The following NECAB2 variants were observed in gnomAD, a reference collection of about 807,000 sequenced individuals.
The protein encoded by NECAB2 is N-terminal EF-hand calcium-binding protein 2.
NECAB2 carries 68 observed loss-of-function variants against 51.9 expected under a neutral mutation model. The observed-to-expected ratio is 1.31, with a 90% CI of 1.08 to 1.60. The LOEUF (loss-of-function observed/expected upper bound fraction) is 1.60. Ranked by LOEUF, NECAB2 falls within the 40% of genes most tolerant of loss-of-function variation. The pLI, the probability that NECAB2 is intolerant of heterozygous loss-of-function variation, is 0.00. For synonymous variants in NECAB2, 329 were observed against 203.5 expected (o/e 1.62, Z -5.25); for missense variants, 854 against 490.3 (o/e 1.74, Z -7.00).
chr16:83,984,395 AC>A (rs963592775), intron 5 of NECAB2, among the ~76,000 whole-genome samples: 82 of 151,808 alleles, frequency 5.4e-4, no homozygotes, highest in African/African-American at 1.9e-3. Flanking sequence ...ACATTGTTTG[AC>A]ACACGCAGGC....
At chr16:83,995,772 A>G (rs1359291980) in intron 8 of NECAB2, among the ~76,000 whole-genome samples, 1 of 152,176 alleles carries the variant, frequency 6.6e-6, no homozygotes, top group Non-Finnish European at 1.5e-5. Context: ...CGTGGAATGA[A>G]GTCCGAGGGA....
Position 84,001,730 on chromosome 16 carries a change from C to CCCCATTTATTGATAAGG in NECAB2, c.1041-95_1041-94insCCCATTTATTGATAAGG, listed in dbSNP as rs2084840173. On this transcript the variant is annotated intron_variant, in intron 11 of 12. Coordinates refer to ENST00000305202, the MANE Select transcript of NECAB2 (RefSeq NM_019065.3). ...AAGACCCCCCGTGCTTATTGATAAG[C>CCCCATTTATTGATAAGG]TCCCCATTTTGGGCTAGAGCTAGGA... 3 of 1,346,898 alleles carry CCCCATTTATTGATAAGG rather than the reference C, an allele frequency of 2.2e-6. No individual in the cohort carries two copies. In the East Asian group the frequency reaches 7.2e-5, roughly 32 times the overall value. The allele number at this position is 1,346,898 out of a possible 1,614,324, so 83.4% of individuals were successfully genotyped here.
In NECAB2 at chr16:83,978,328, G is replaced by A. The variant is rs905862227; in HGVS notation, c.227-116G>A. The stretch of plus-strand genomic sequence containing the variant: ...AGCTGGGAGGGTAGGGATTATCTGA[G>A]CTGCAGTTGTTCTGTCAGTCAGGCC... On this transcript the variant is annotated intron_variant, in intron 2 of 12. Coordinates refer to ENST00000305202, the MANE Select transcript of NECAB2 (RefSeq NM_019065.3). 6 of 746,192 alleles carry A rather than the reference G, an allele frequency of 8.0e-6. No homozygotes were observed. The African/African-American group carries it at 1.1e-4, about 13-fold the overall frequency. The allele number at this position is 746,192 out of a possible 1,614,324, so 46.2% of individuals were successfully genotyped here. A position where few individuals can be genotyped will look rare whatever the true frequency, so the allele number is the denominator to read the frequency against.
At position 84,002,646 on chromosome 16, in the gene NECAB2, CCCACACTGA is replaced by C. The variant is rs1316366601; in HGVS notation, c.*307_*315del. On this transcript the variant is annotated 3_prime_UTR_variant, in exon 13 of 13. Transcript: ENST00000305202. ...CTACCCCTCACATGGCCACGCATGA[CCCACACTGA>C]CCACACCCTGCCCTCTTCGGTGACA... 8 of 514,844 alleles carry C rather than the reference CCCACACTGA, an allele frequency of 1.6e-5. No individual in the cohort carries two copies. Among genetic ancestry groups the C allele is most frequent in the African/African-American group, 1.4e-4 (7 of 51,566 alleles). The allele number at this position is 514,844 out of a possible 1,614,324, so 31.9% of individuals were successfully genotyped here. A position where few individuals can be genotyped will look rare whatever the true frequency, so the allele number is the denominator to read the frequency against.
At chr16:83,975,962 T>C (rs532505461) in intron 2 of NECAB2, among the ~76,000 whole-genome samples, 1 of 152,264 alleles carries the variant, frequency 6.6e-6, no homozygotes, top group African/African-American at 2.4e-5. Context: ...TCAGGATAAA[T>C]GTCAGCCGAA....
At chr16:83,979,033 C>T (rs562577612) in intron 3 of NECAB2, among the ~76,000 whole-genome samples, 8 of 152,290 alleles carry the variant, frequency 5.3e-5, no homozygotes, top group African/African-American at 1.9e-4. Context: ...ACCTTTTCTC[C>T]AACCCAGTCA....
rs755523571 is a variant in NECAB2 at position 83,980,884 on chromosome 16, G to T, written c.361+20G>T. The T allele has an allele frequency of 6.2e-6, 10 of 1,613,218 alleles. No homozygotes were observed. The East Asian group carries it at 2.0e-4, about 32-fold the overall frequency. Reference sequence around the variant, plus strand: ...TGTGTGGTAGGTGCCTGGCTATGCTGGGACCAAGATGGGGATGCTGGGATG... The same window carrying T: ...TGTGTGGTAGGTGCCTGGCTATGCTTGGACCAAGATGGGGATGCTGGGATG... On this transcript the variant is annotated intron_variant, in intron 4 of 12. Transcript: ENST00000305202.
chr16:83,965,852 A>C (rs2084274351), upstream of NECAB2: 4 of 1,612,804 alleles, frequency 2.5e-6, no homozygotes, highest in Non-Finnish European at 2.5e-6. Context: ...GAGGAACCCC[A>C]TTGACGTGGA....
At chr16:83,973,102 C>G (rs541178002) in intron 2 of NECAB2, among the ~76,000 whole-genome samples, 4 of 152,186 alleles carry the variant, frequency 2.6e-5, no homozygotes, top group African/African-American at 9.7e-5. Flanking sequence ...CGCGTGCTCC[C>G]GGTATGTTCA....
chr16:83,994,433 G>A lies in NECAB2; in HGVS notation c.715+13G>A, dbSNP rs751191902. ...ACCCTTCCATCTGGTGAGAGAAAGCGGGGGCCCTGGTGGGGGTACCAGCTG... is the reference window on the plus strand; with the variant it reads ...ACCCTTCCATCTGGTGAGAGAAAGCAGGGGCCCTGGTGGGGGTACCAGCTG... On this transcript the variant is annotated intron_variant, in intron 7 of 12. Coordinates refer to ENST00000305202, the MANE Select transcript of NECAB2 (RefSeq NM_019065.3). The A allele has an allele frequency of 6.2e-6, 10 of 1,613,248 alleles. No individual in the cohort carries two copies. The highest frequency in any genetic ancestry group is 3.3e-5 in the Admixed American group (2 of 59,982).
At chr16:83,998,654 C>A (rs13333457) in intron 10 of NECAB2, among the ~76,000 whole-genome samples, 3 of 152,288 alleles carry the variant, frequency 2.0e-5, no homozygotes, top group Non-Finnish European at 4.4e-5. Flanking sequence ...GTGCCCCGTG[C>A]GCTCAGTCAG....
At chr16:83,966,090 A>T, upstream of NECAB2, 1 of 1,174,032 alleles carries the variant, frequency 8.5e-7, no homozygotes. Context: ...CCGTCCAAAG[A>T]TGCCCCGGGG....
At chr16:83,997,119 G>A (rs1338687540) in intron 8 of NECAB2, 97 bp from the exon 9 acceptor site, 1 of 1,477,770 alleles carries the variant, frequency 6.8e-7, no homozygotes, top group Non-Finnish European at 9.4e-7. Context: ...CCGGGTCCTT[G>A]GGAGCTCCCA....
chr16:83,992,249 C>T (rs1288838767), intron 6 of NECAB2, among the ~76,000 whole-genome samples: 1 of 151,874 alleles, frequency 6.6e-6, no homozygotes, highest in Non-Finnish European at 1.5e-5. Flanking sequence ...GTGCTTGGAA[C>T]CATGGGAATG....
intron 6 of NECAB2, among the ~76,000 whole-genome samples, chr16:83,991,882 C>A (rs1456481499): frequency 6.6e-6 from 1 of 150,410 alleles, no homozygotes; most frequent in Non-Finnish European, 1.5e-5. Flanking sequence ...TCTCAAACTC[C>A]TGGTCTCAGC....
At chr16:83,994,554 C>T (rs911371953) in intron 7 of NECAB2, 55 bp from the exon 8 acceptor site, 48 of 1,608,598 alleles carry the variant, frequency 3.0e-5, no homozygotes, top group African/African-American at 5.3e-5. Context: ...AGCTTCCCCC[C>T]GAAGCCCTCG....
At chr16:83,996,025 C>A (rs1011566355) in intron 8 of NECAB2, among the ~76,000 whole-genome samples, 1 of 152,216 alleles carries the variant, frequency 6.6e-6, no homozygotes, top group African/African-American at 2.4e-5. Context: ...AGGTCCTCCT[C>A]CCCAGCCTCT....
upstream of NECAB2, among the ~76,000 whole-genome samples, chr16:83,968,124 C>G (rs1202746256): frequency 6.6e-6 from 1 of 151,468 alleles, no homozygotes; most frequent in Non-Finnish European, 1.5e-5. Context: ...GGCGTGCACG[C>G]CCGCGGGAGT....
chr16:83,975,732 A>G lies in NECAB2; in HGVS notation c.227-2712A>G, dbSNP rs556463494. 1.1e-4 allele frequency among the ~76,000 whole-genome samples: 16 copies of G among 152,238 alleles called. 1 individual carries two copies. The South Asian group carries it at 3.3e-3, about 32-fold the overall frequency. On this transcript the variant is annotated intron_variant, in intron 2 of 12. Coordinates refer to ENST00000305202, the MANE Select transcript of NECAB2 (RefSeq NM_019065.3). ...TGGCAGACAGCATTTCCCTTCAGGG[A>G]CATGGACGCTGACAGGCTGACAGGC... is the stretch of plus-strand genomic sequence containing the variant.
Sources: allele counts gnomAD v4.1 joint callset (sites outside exome capture counted in the v4.1 genomes callset), GRCh38; gene constraint gnomAD v4.1.1; transcripts MANE v1.5; gene names NCBI Gene and HGNC (gene_info 2026-07-23, HGNC 2026-07-21).